Variants in ACIN1 observed in about 807,000 individuals in gnomAD.
ACIN1 encodes apoptotic chromatin condensation inducer 1.
ACIN1 carries 16 observed loss-of-function variants against 146.6 expected under a neutral mutation model. The ratio of observed to expected loss-of-function variants is 0.11; its 90% CI spans 0.07 to 0.17. The LOEUF (loss-of-function observed/expected upper bound fraction) is 0.17. Among genes scored for constraint, ACIN1 ranks in the 10% least tolerant of loss-of-function variants. The pLI is 1.00. For missense variants in ACIN1, 1,357 were observed against 1,609.3 expected, an observed-to-expected ratio of 0.84 and a Z score of 2.68; for synonymous variants, 569 against 582.7, an observed-to-expected ratio of 0.98 and a Z score of 0.34.
rs1472951382 is a variant in ACIN1 at position 23,068,889 on chromosome 14, C to T, written c.2265+587G>A. 4 of 985,262 alleles carry T rather than the reference C, an allele frequency of 4.1e-6. No homozygotes were observed. Among genetic ancestry groups the T allele is most frequent in the Non-Finnish European group, 4.8e-6 (4 of 829,950 alleles). 61.0% of individuals were successfully genotyped at this position (985,262 alleles called of 1,614,324 possible). ...TTCGCTGGCTCTGATGGGGGAAGCC[C>T]CCTGAAGTGGGTGCAGGACACAAGA... is the stretch of plus-strand genomic sequence containing the variant. On this transcript the variant is annotated intron_variant, in intron 9 of 18. Transcript: ENST00000605057. This position sits in a 1 kb window ranked among gnomAD's most constrained non-coding sequence, Gnocchi z 4.3.
chr14:23,068,312 A>G lies in ACIN1; in HGVS notation c.2265+1164T>C. 1 of 985,948 alleles carries G rather than the reference A, an allele frequency of 1.0e-6. No homozygotes were observed. The highest frequency in any genetic ancestry group is 1.2e-6 in the Non-Finnish European group (1 of 829,966). The allele number at this position is 985,948 out of a possible 1,614,324, so 61.1% of individuals were successfully genotyped here. A position where few individuals can be genotyped will look rare whatever the true frequency, so the allele number is the denominator to read the frequency against. On this transcript the variant is annotated intron_variant, in intron 9 of 18. Transcript: ENST00000605057. This position sits in a 1 kb window ranked among gnomAD's most constrained non-coding sequence, Gnocchi z 4.3. ...GCAAACAAGGCAACCCACAGTCCTC[A>G]AAAGGGCAAGGGCATGTGGGCAGGC...
At chr14:23,093,919 C>T (rs1450431866) in intron 1 of ACIN1, among the ~76,000 whole-genome samples, 1 of 152,158 alleles carries the variant, frequency 6.6e-6, no homozygotes, top group Non-Finnish European at 1.5e-5. Flanking sequence ...CTCAAACCAG[C>T]CATGGGGCTC....
chr14:23,089,830 A>G (rs2048181882), intron 4 of ACIN1, 152 bp downstream of exon 4: 2 of 1,121,750 alleles, frequency 1.8e-6, no homozygotes, highest in East Asian at 5.4e-5. Context: ...CAAAAAGGGT[A>G]TACTTTCCAT....
Position 23,062,202 on chromosome 14 carries a change from T to C in ACIN1, c.3065A>G (p.Lys1022Arg). 2 of 1,613,968 alleles carry C rather than the reference T, an allele frequency of 1.2e-6. No individual in the cohort carries two copies. Among genetic ancestry groups the C allele is most frequent in the Non-Finnish European group, 1.7e-6 (2 of 1,180,002 alleles). ...CTCGGCATAGTCAGCACAAAGGAAT[T>C]TGGGATTGGACTGGGGCCATTTGAC... is the stretch of plus-strand genomic sequence containing the variant. ...HGVKWPQSNP[K>R]FLCADYAEQD... Residue 1022 changes from lysine (K) to arginine (R), a missense_variant, in exon 16 of 19, where the codon AAA becomes AGA. Coordinates refer to ENST00000605057, the MANE Select transcript of ACIN1 (RefSeq NM_001386863.1).
At chr14:23,095,142 C>T (rs775675648), upstream of ACIN1, 3 of 1,614,134 alleles carry the variant, frequency 1.9e-6, no homozygotes, top group East Asian at 2.2e-5. Context: ...TCCGTCCCGA[C>T]GGCTTCGGGC....
At chr14:23,081,458 A>C (rs1845596047) in intron 5 of ACIN1, among the ~76,000 whole-genome samples, 1 of 152,220 alleles carries the variant, frequency 6.6e-6, no homozygotes, top group South Asian at 2.1e-4. Context: ...AAAGAGGAGA[A>C]GGAAGATAAC....
intron 9 of ACIN1, among the ~76,000 whole-genome samples, chr14:23,066,849 C>T (rs2047473160): frequency 6.6e-6 from 1 of 152,042 alleles, no homozygotes; most frequent in African/African-American, 2.4e-5. Flanking sequence ...CTACCCCAAA[C>T]ACTCAGTGGG....
chr14:23,063,289 TA>T, intron 13 of ACIN1, 146 bp downstream of exon 13: 1 of 1,207,994 alleles, frequency 8.3e-7, no homozygotes, highest in Non-Finnish European at 1.1e-6. Flanking sequence ...GGCCCTCAAG[TA>T]GCTTACTTAA....
chr14:23,095,451 A>C (rs975058251), upstream of ACIN1: 20 of 1,010,682 alleles, frequency 2.0e-5, no homozygotes, highest in African/African-American at 3.3e-5. Context: ...CCGGACCTAG[A>C]GATGAGGCGC....
chr14:23,060,879 A>G (rs1323078388), intron 18 of ACIN1, among the ~76,000 whole-genome samples: 1 of 152,214 alleles, frequency 6.6e-6, no homozygotes, highest in Non-Finnish European at 1.5e-5. Flanking sequence ...TTCAGCTGCT[A>G]TCTGCGTGTC....
At position 23,058,968 on chromosome 14, in the gene ACIN1, T is replaced by C. The variant is rs570437994; in HGVS notation, c.*180A>G. The C allele has an allele frequency of 9.8e-5, 59 of 602,918 alleles. No individual in the cohort carries two copies. The Admixed American group carries it at 1.5e-3, about 16-fold the overall frequency. The allele number at this position is 602,918 out of a possible 1,614,324, so 37.3% of individuals were successfully genotyped here. The stretch of plus-strand genomic sequence containing the variant: ...GAGGGTCGGGCTAAGTCCCAAGAGA[T>C]AGGTTAAGGGGGTGTGTTTGGGGGG... On this transcript the variant is annotated 3_prime_UTR_variant, in exon 19 of 19. Coordinates refer to ENST00000605057, the MANE Select transcript of ACIN1 (RefSeq NM_001386863.1).
upstream of ACIN1, chr14:23,095,315 C>T (rs767043442): frequency 3.5e-5 from 55 of 1,566,774 alleles, 2 homozygotes; most frequent in Middle Eastern, 1.7e-4. Context: ...TCCATCCGCC[C>T]TGCAGCGCCC....
At chr14:23,089,958 C>T (rs766796417) in intron 4 of ACIN1, 24 bp downstream of exon 4, 7 of 1,575,442 alleles carry the variant, frequency 4.4e-6, no homozygotes, top group African/African-American at 1.3e-5. Context: ...GACAAAACAG[C>T]GCAGTGGGGA....
chr14:23,059,405 C>T lies in ACIN1; in HGVS notation c.3595G>A (p.Glu1199Lys). ...TTCTCCCGCTCCTTTTGCTCTTCTT[C>T]TTCTTGCTCCTTTCGCCGCTTCTCC... is the stretch of plus-strand genomic sequence containing the variant. Reference protein sequence around the residue: ...EREKRRKEQEEEEQKEREKEA... With the variant: ...EREKRRKEQEKEEQKEREKEA... Residue 1199 changes from glutamate to lysine, a missense_variant, in exon 19 of 19, where the codon GAA (glutamate) becomes AAA (lysine). By Grantham distance (56) the Glu-to-Lys change is moderately conservative (BLOSUM62 1). Transcript: ENST00000605057. 3 of 1,613,900 alleles carry T rather than the reference C, an allele frequency of 1.9e-6. No homozygotes were observed. The highest frequency in any genetic ancestry group is 2.5e-6 in the Non-Finnish European group (3 of 1,179,922).
rs1014744336 is a variant in ACIN1, at chr14:23,067,496, A to AG, written c.2266-1489dup. On this transcript the variant is annotated intron_variant, in intron 9 of 18. Coordinates refer to ENST00000605057, the MANE Select transcript of ACIN1 (RefSeq NM_001386863.1). This position sits in a 1 kb window ranked among gnomAD's most constrained non-coding sequence, Gnocchi z 4.6. Reference sequence around the variant, plus strand: ...ACTGCCAGAGTCCTCCCAGGGGCGCAGGGGGGGCGGGAGGGAAACGTGTGG... The same window carrying AG: ...ACTGCCAGAGTCCTCCCAGGGGCGCAGGGGGGGGCGGGAGGGAAACGTGTGG... 28 of 255,776 alleles carry AG rather than the reference A, an allele frequency of 1.1e-4. No homozygotes were observed. The highest frequency in any genetic ancestry group is 3.0e-4 in the Admixed American group (2 of 6,752). The allele number at this position is 255,776 out of a possible 1,614,324, so 15.8% of individuals were successfully genotyped here.
chr14:23,093,446 G>A (rs1188596033), intron 2 of ACIN1, 33 bp downstream of exon 2: 2 of 1,591,416 alleles, frequency 1.3e-6, no homozygotes, highest in Non-Finnish European at 1.7e-6. Context: ...ATATCCAAAG[G>A]GCCCACTCCA....
intron 4 of ACIN1, among the ~76,000 whole-genome samples, chr14:23,083,214 C>A (rs1170893075): frequency 6.6e-6 from 1 of 151,738 alleles, no homozygotes; most frequent in African/African-American, 2.4e-5. Context: ...GTCTCAATAT[C>A]TTTCTTTTTA....
At chr14:23,093,610 T>C (rs1313881183) in intron 1 of ACIN1, 66 bp from the exon 2 acceptor site, 10 of 1,298,254 alleles carry the variant, frequency 7.7e-6, no homozygotes, top group Non-Finnish European at 1.0e-5. Context: ...CCCCCACCTC[T>C]ACCACAACCT....
In ACIN1 at chr14:23,080,935, C is replaced by T. The variant is rs2047928391; in HGVS notation, c.526-126G>A. On this transcript the variant is annotated intron_variant, in intron 5 of 18. Coordinates refer to ENST00000605057, the MANE Select transcript of ACIN1 (RefSeq NM_001386863.1). ...TGATATATACTTTCAGCAACAGAAACAGGAGTGACAGGAGACAATCATGAC... is the reference window on the plus strand; with the variant it reads ...TGATATATACTTTCAGCAACAGAAATAGGAGTGACAGGAGACAATCATGAC... The T allele has an allele frequency of 2.7e-6, 4 of 1,466,724 alleles. No individual in the cohort carries two copies. The Admixed American group carries it at 9.3e-5, about 34-fold the overall frequency. The allele number at this position is 1,466,724 out of a possible 1,614,324, so 90.9% of individuals were successfully genotyped here.
Sources: gnomAD v4.1 joint callset for allele counts (sites outside exome capture counted in the v4.1 genomes callset) on GRCh38, gnomAD v4.1.1 for gene constraint, Gnocchi (gnomAD v3.1) non-coding constraint, MANE v1.5 for transcripts, NCBI Gene and HGNC (gene_info 2026-07-23, HGNC 2026-07-21) for gene names.